The following CDCA7L variants were observed in gnomAD, a reference collection of about 807,000 sequenced individuals.
CDCA7L encodes the protein cell division cycle-associated 7-like protein.
Under a neutral mutation model 57.4 loss-of-function variants are expected in CDCA7L, and 44 were observed. The ratio of observed to expected loss-of-function variants is 0.77; its 90% CI spans 0.60 to 0.98. The LOEUF is 0.98. Among genes scored for constraint, CDCA7L ranks in the 50% least tolerant of loss-of-function variants. The probability of loss-of-function intolerance (pLI) is 0.00; values close to 1 mark genes in which losing one functional copy is unlikely to be tolerated. For missense variants in CDCA7L, 644 were observed against 580.6 expected, an observed-to-expected ratio of 1.11 and a Z score of -1.12; for synonymous variants, 236 against 202.8, an observed-to-expected ratio of 1.16 and a Z score of -1.39.
chr7:21,911,671 AT>A lies in CDCA7L; in HGVS notation c.248del (p.Asp83ValfsTer10), dbSNP rs771459417. On this transcript the variant is annotated frameshift_variant, in exon 3 of 10. Transcript: ENST00000406877. LOFTEE classifies it high-confidence loss of function. ...GATCACTCTGCGTAAATCCTGCAAA[AT>A]CCTCAGTCTCTGAGTCAGTGTCCTC... ...FIEDTDSETE[D>X]FAGFTQSDLN... 18 of 1,613,846 alleles carry A rather than the reference AT, an allele frequency of 1.1e-5. 1 individual carries two copies. The South Asian group carries it at 2.0e-4, about 18-fold the overall frequency.
chr7:21,932,017 TAGAG>T (rs1313790212), intron 1 of CDCA7L, among the ~76,000 whole-genome samples: 1 of 150,668 alleles, frequency 6.6e-6, no homozygotes, highest in African/African-American at 2.4e-5. Flanking sequence ...ATACCAATAA[TAGAG>T]AGCAAAATCA....
intron 1 of CDCA7L, among the ~76,000 whole-genome samples, 175 bp downstream of exon 1, chr7:21,945,606 C>G (rs1299012861): frequency 6.6e-6 from 1 of 152,150 alleles, no homozygotes; most frequent in Non-Finnish European, 1.5e-5. Context: ...CAAACGTGAC[C>G]CACTGCGCAC....
intron 1 of CDCA7L, among the ~76,000 whole-genome samples, chr7:21,929,392 A>G (rs1053185347): frequency 6.6e-6 from 1 of 151,982 alleles, no homozygotes; most frequent in Non-Finnish European, 1.5e-5. Context: ...AAGAAACTGC[A>G]TCAACTAACA....
At chr7:21,916,977 T>G in intron 1 of CDCA7L, 83 bp from the exon 2 acceptor site, 4 of 1,496,648 alleles carry the variant, frequency 2.7e-6, no homozygotes, top group Admixed American at 1.7e-5. Flanking sequence ...GGAGGAGAGA[T>G]CTCATCACTT....
rs1322455732 is a variant in CDCA7L, at chr7:21,903,096, A to C, written c.1216T>G (p.Cys406Gly). ...TAGCTGCAATTGCAGATCCCACGAC[A>C]GGGGGGACACACCCAATCCTAACAG... ...LLDPDWVCPPCRGICNCSYCR... is the reference protein window; with the variant it reads ...LLDPDWVCPPGRGICNCSYCR... The change falls in exon 9 of 10, where the codon TGT becomes GGT. Residue 406 changes from cysteine (C) to glycine (G), a missense_variant. By Grantham distance (159) the Cys-to-Gly change is radical (BLOSUM62 -3). Coordinates refer to ENST00000406877, the MANE Select transcript of CDCA7L (RefSeq NM_018719.5). The C allele has an allele frequency of 6.2e-7, 1 of 1,613,790 alleles. No homozygotes were observed. Among genetic ancestry groups the C allele is most frequent in the Admixed American group, 1.7e-5 (1 of 59,996 alleles).
rs763777079 is a variant in CDCA7L at position 21,905,532 on chromosome 7, G to T, written c.1021C>A (p.Arg341=). 4 of 1,613,434 alleles carry T rather than the reference G, an allele frequency of 2.5e-6. No individual in the cohort carries two copies. The highest frequency in any genetic ancestry group is 1.7e-5 in the Admixed American group (1 of 59,974). ...EDLENVAITV[R]DKIYDKVLGN... ...AGAACTTTATCATAGATTTTATCTCGAACAGTTATGGCAACATTTTCTAAG... is the reference window on the plus strand; with the variant it reads ...AGAACTTTATCATAGATTTTATCTCTAACAGTTATGGCAACATTTTCTAAG... The change falls in exon 7 of 10, where the codon CGA becomes AGA. Residue 341 remains arginine (R), a synonymous_variant. Coordinates refer to ENST00000406877, the MANE Select transcript of CDCA7L (RefSeq NM_018719.5).
chr7:21,904,332 T>A lies in CDCA7L; in HGVS notation c.1048-73A>T, dbSNP rs115297126. ...CCCAATGAGGCCAGATGCCACCATG[T>A]GCATTTCCAAGTATATGAAGAAATA... On this transcript the variant is annotated intron_variant, in intron 7 of 9. Coordinates refer to ENST00000406877, the MANE Select transcript of CDCA7L (RefSeq NM_018719.5). The A allele has an allele frequency of 3.2e-4, 446 of 1,404,158 alleles. No homozygotes were observed. The African/African-American group carries it at 6.0e-3, about 19-fold the overall frequency. The allele number at this position is 1,404,158 out of a possible 1,614,324, so 87.0% of individuals were successfully genotyped here. A position where few individuals can be genotyped will look rare whatever the true frequency, so the allele number is the denominator to read the frequency against.
Position 21,913,923 on chromosome 7 carries a change from C to G in CDCA7L, c.166-2169G>C, listed in dbSNP as rs77369185. ...TTTTCCATGTGGGTCTGTATGATGC[C>G]AATCTCCACTCCACACTGCTCCACT... On this transcript the variant is annotated intron_variant, in intron 2 of 9. Coordinates refer to ENST00000406877, the MANE Select transcript of CDCA7L (RefSeq NM_018719.5). Among the ~76,000 whole-genome samples, 726 of 152,246 alleles carry G rather than the reference C, an allele frequency of 4.8e-3. 6 individuals are homozygous for G. Among genetic ancestry groups the G allele is most frequent in the African/African-American group, 0.016 (661 of 41,520 alleles).
Position 21,904,996 on chromosome 7 carries a change from T to C in CDCA7L, c.1047+510A>G, listed in dbSNP as rs141768635. ...AGACCTGGATACCTTCAATGTGAGA[T>C]CTATTTTTTTTTAAATATTGGCAAC... On this transcript the variant is annotated intron_variant, in intron 7 of 9. Transcript: ENST00000406877. Among the ~76,000 whole-genome samples the C allele has an allele frequency of 1.0e-3, 154 of 152,256 alleles. 1 individual carries two copies. The highest frequency in any genetic ancestry group is 3.6e-3 in the African/African-American group (149 of 41,558).
chr7:21,938,622 T>A (rs932164583), intron 1 of CDCA7L, among the ~76,000 whole-genome samples: 5 of 152,196 alleles, frequency 3.3e-5, no homozygotes, highest in South Asian at 4.1e-4. Flanking sequence ...CATTGGTATT[T>A]ACAATAGCCA....
rs1463152654 is a variant in CDCA7L at position 21,900,979 on chromosome 7, A to C, written c.*1343T>G. The C allele has an allele frequency of 2.6e-6, 4 of 1,543,340 alleles. No homozygotes were observed. Among genetic ancestry groups the C allele is most frequent in the Non-Finnish European group, 2.6e-6 (3 of 1,145,910 alleles). On this transcript the variant is annotated 3_prime_UTR_variant, in exon 10 of 10. Transcript: ENST00000406877. ...TATCATTAGTAGCAAGCTGCCACACAATTGCAACCGCTGTGTTTTTGCCAT... is the reference window on the plus strand; with the variant it reads ...TATCATTAGTAGCAAGCTGCCACACCATTGCAACCGCTGTGTTTTTGCCAT...
chr7:21,900,937 AC>A lies in CDCA7L; in HGVS notation c.*1384del. 1 of 1,222,074 alleles carries A rather than the reference AC, an allele frequency of 8.2e-7. No homozygotes were observed. The highest frequency in any genetic ancestry group is 1.1e-6 in the Non-Finnish European group (1 of 913,450). 75.7% of individuals were successfully genotyped at this position (1,222,074 alleles called of 1,614,324 possible). A position where few individuals can be genotyped will look rare whatever the true frequency, so the allele number is the denominator to read the frequency against. ...GAATGTTGAATGTTTATTGCATCAA[AC>A]AACTTACTTGATCATTATCATTAGT... On this transcript the variant is annotated 3_prime_UTR_variant, in exon 10 of 10. Transcript: ENST00000406877.
At chr7:21,936,251 T>A (rs1276862006) in intron 1 of CDCA7L, among the ~76,000 whole-genome samples, 3 of 152,028 alleles carry the variant, frequency 2.0e-5, no homozygotes, top group Admixed American at 2.0e-4. Flanking sequence ...TACCAAACAT[T>A]TAAAGAAGAA....
intron 7 of CDCA7L, 151 bp downstream of exon 7, chr7:21,905,355 A>T: frequency 2.6e-6 from 2 of 784,224 alleles, no homozygotes; most frequent in Non-Finnish European, 4.0e-6. Context: ...CCCCTTTCCC[A>T]GGTACAGCTG....
chr7:21,922,426 G>C (rs1000499152), intron 1 of CDCA7L, among the ~76,000 whole-genome samples: 3 of 152,160 alleles, frequency 2.0e-5, no homozygotes, highest in African/African-American at 7.2e-5. Flanking sequence ...CACTCCAGCT[G>C]ATCACTGCCC....
chr7:21,914,565 G>C (rs537199886), intron 2 of CDCA7L, among the ~76,000 whole-genome samples: 6 of 152,302 alleles, frequency 3.9e-5, no homozygotes, highest in Admixed American at 2.0e-4. Context: ...GCATGGACCA[G>C]TGGGCAGAAA....
At position 21,901,628 on chromosome 7, in the gene CDCA7L, C is replaced by CCGGAAAGAACGGAGATTTTAATTTTTA. The variant is rs1784865114; in HGVS notation, c.*667_*693dup. ...ATGTGAACATGCAAAAGCAATGCAG[C>CCGGAAAGAACGGAGATTTTAATTTTTA]CGGAAAGAACGGAGATTTTAATTTT... On this transcript the variant is annotated 3_prime_UTR_variant, in exon 10 of 10. Coordinates refer to ENST00000406877, the MANE Select transcript of CDCA7L (RefSeq NM_018719.5). 1.2e-5 allele frequency: 2 copies of CCGGAAAGAACGGAGATTTTAATTTTTA among 160,432 alleles called. No individual in the cohort carries two copies. The allele number at this position is 160,432 out of a possible 1,614,324, so 9.9% of individuals were successfully genotyped here. A position where few individuals can be genotyped will look rare whatever the true frequency, so the allele number is the denominator to read the frequency against.
Position 21,945,789 on chromosome 7 carries a change from G to C in CDCA7L, c.16C>G (p.Arg6Gly). 1 of 1,600,552 alleles carries C rather than the reference G, an allele frequency of 6.2e-7. No homozygotes were observed. The highest frequency in any genetic ancestry group is 8.5e-7 in the Non-Finnish European group (1 of 1,174,802). The change falls in exon 1 of 10, where the codon CGC becomes GGC. Residue 6 changes from arginine (R) to glycine (G), a missense_variant. Transcript: ENST00000406877. MELAT[R>G]YQIPKEVADI... is the part of the protein sequence containing the mutation. Reference sequence around the variant, plus strand: ...GGCGGCCGGACCCTCACCTGGTAGCGAGTCGCCAACTCCATTCTTCCTAAC... The same window carrying C: ...GGCGGCCGGACCCTCACCTGGTAGCCAGTCGCCAACTCCATTCTTCCTAAC...
intron 8 of CDCA7L, 112 bp from the exon 9 acceptor site, chr7:21,903,226 T>G: frequency 3.9e-6 from 4 of 1,018,546 alleles, no homozygotes; most frequent in South Asian, 1.7e-5. Context: ...TTTAATCACA[T>G]GGCATCTTTC....
Sources: gnomAD v4.1 joint callset for allele counts (sites outside exome capture counted in the v4.1 genomes callset) on GRCh38, gnomAD v4.1.1 for gene constraint, MANE v1.5 for transcripts, NCBI Gene and HGNC (gene_info 2026-07-23, HGNC 2026-07-21) for gene names.